ANKS1B: variants seen among roughly 807,000 people sequenced by gnomAD.
ANKS1B encodes ankyrin repeat and sterile alpha motif domain-containing protein 1B.
Under a neutral mutation model 148.3 loss-of-function variants are expected in ANKS1B, and 36 were observed. The ratio of observed to expected loss-of-function variants is 0.24; its 90% CI spans 0.19 to 0.32. The LOEUF (loss-of-function observed/expected upper bound fraction) is 0.32. ANKS1B is among the 10% of genes least tolerant of loss of function. ANKS1B has a pLI of 1.00. For missense variants in ANKS1B, 1,157 were observed against 1,542.6 expected, an observed-to-expected ratio of 0.75 and a Z score of 4.19; for synonymous variants, 542 against 560.8, an observed-to-expected ratio of 0.97 and a Z score of 0.47.
At chr12:99,833,425 G>A (rs2084337814) in intron 1 of ANKS1B, among the ~76,000 whole-genome samples, 1 of 152,160 alleles carries the variant, frequency 6.6e-6, no homozygotes, top group Admixed American at 6.5e-5. Flanking sequence ...CAGATATAGT[G>A]GTAGAGAGAG....
intron 17 of ANKS1B, among the ~76,000 whole-genome samples, chr12:99,006,827 T>G (rs574193333): frequency 3.9e-5 from 6 of 152,356 alleles, no homozygotes; most frequent in Non-Finnish European, 8.8e-5. Context: ...TATACTCTTC[T>G]GTCATTTAGT....
At chr12:99,124,104 G>A (rs2063646052) in intron 15 of ANKS1B, among the ~76,000 whole-genome samples, 1 of 152,164 alleles carries the variant, frequency 6.6e-6, no homozygotes, top group African/African-American at 2.4e-5. Flanking sequence ...TCTGAGTAAA[G>A]GGGTAATATA....
chr12:99,543,865 G>A (rs942261824), intron 9 of ANKS1B, among the ~76,000 whole-genome samples: 2 of 152,068 alleles, frequency 1.3e-5, no homozygotes, highest in African/African-American at 2.4e-5. Flanking sequence ...ATGGGACACC[G>A]AAGCTAATAA....
intron 17 of ANKS1B, among the ~76,000 whole-genome samples, chr12:98,955,556 G>A (rs572751670): frequency 1.3e-5 from 2 of 152,196 alleles, no homozygotes; most frequent in Non-Finnish European, 2.9e-5. Context: ...GGAGATGGTG[G>A]TGGCTTAGAC....
intron 25 of ANKS1B, 54 bp downstream of exon 25, chr12:98,772,988 G>T: frequency 3.1e-6 from 5 of 1,605,712 alleles, no homozygotes. Context: ...TTTCAATACA[G>T]TCCAGGCCCA....
chr12:99,481,078 C>A (rs572679342), intron 10 of ANKS1B, among the ~76,000 whole-genome samples: 1 of 151,342 alleles, frequency 6.6e-6, no homozygotes, highest in South Asian at 2.1e-4. Context: ...TTTTATGTTA[C>A]ACGCATGAAT....
At position 99,647,956 on chromosome 12, in the gene ANKS1B, CA is replaced by C. The variant is rs2098387755; in HGVS notation, c.1272+7110del. 6.5e-6 allele frequency: 4 copies of C among 617,552 alleles called. No individual in the cohort carries two copies. The Admixed American group carries it at 1.2e-4, about 19-fold the overall frequency. The allele number at this position is 617,552 out of a possible 1,614,324, so 38.3% of individuals were successfully genotyped here. A position where few individuals can be genotyped will look rare whatever the true frequency, so the allele number is the denominator to read the frequency against. On this transcript the variant is annotated intron_variant, in intron 9 of 26. Transcript: ENST00000683438. ...ACAGCTCCATGCACTAAGCAGGGCACAGTCTGGATCCAGGGGACTGACTGTC... is the reference window on the plus strand; with the variant it reads ...ACAGCTCCATGCACTAAGCAGGGCACGTCTGGATCCAGGGGACTGACTGTC...
At chr12:99,408,240 C>T (rs539892721) in intron 11 of ANKS1B, among the ~76,000 whole-genome samples, 1 of 145,774 alleles carries the variant, frequency 6.9e-6, no homozygotes, top group South Asian at 2.1e-4. Flanking sequence ...CAAGAACATA[C>T]ACAAGGTTAC....
intron 15 of ANKS1B, among the ~76,000 whole-genome samples, chr12:99,134,347 G>A (rs542250939): frequency 6.6e-6 from 1 of 152,102 alleles, no homozygotes; most frequent in African/African-American, 2.4e-5. Context: ...AAGTCAGAAA[G>A]AGCGTGGAAA....
chr12:98,964,966 T>C (rs1181763448), intron 17 of ANKS1B, among the ~76,000 whole-genome samples: 2 of 152,172 alleles, frequency 1.3e-5, no homozygotes, highest in Admixed American at 1.3e-4. Flanking sequence ...TTAAAAATAA[T>C]CATTTGTAAC....
chr12:99,487,430 T>G (rs2096505703), intron 10 of ANKS1B, among the ~76,000 whole-genome samples: 1 of 152,170 alleles, frequency 6.6e-6, no homozygotes, highest in Non-Finnish European at 1.5e-5. Flanking sequence ...GTTTGTATAT[T>G]AAAGGATATA....
At chr12:99,559,756 T>C (rs2097313447) in intron 9 of ANKS1B, among the ~76,000 whole-genome samples, 1 of 152,182 alleles carries the variant, frequency 6.6e-6, no homozygotes, top group Non-Finnish European at 1.5e-5. Flanking sequence ...AATACTCTAG[T>C]GCCTAACATC....
chr12:99,794,083 T>C (rs1438303870), intron 4 of ANKS1B, among the ~76,000 whole-genome samples: 1 of 152,010 alleles, frequency 6.6e-6, no homozygotes, highest in Non-Finnish European at 1.5e-5. Context: ...TTCAGCATCA[T>C]TGATCATCGG....
At chr12:99,668,176 A>C (rs1467830942) in intron 8 of ANKS1B, among the ~76,000 whole-genome samples, 1 of 152,176 alleles carries the variant, frequency 6.6e-6, no homozygotes, top group Non-Finnish European at 1.5e-5. Context: ...AGGATTATTT[A>C]GATTTTATAT....
chr12:98,849,050 T>C (rs531254639), intron 17 of ANKS1B, among the ~76,000 whole-genome samples: 31 of 152,216 alleles, frequency 2.0e-4, no homozygotes, highest in African/African-American at 7.2e-4. Context: ...GATTTGCGAT[T>C]TTTCATGAAG....
chr12:99,064,944 T>C (rs2043616831), intron 16 of ANKS1B, among the ~76,000 whole-genome samples: 1 of 152,218 alleles, frequency 6.6e-6, no homozygotes. Flanking sequence ...CCCTAGAGCC[T>C]TTTGTTAAAC....
In ANKS1B at chr12:99,443,696, T is replaced by C. The variant is rs750439723; in HGVS notation, c.1552A>G (p.Ile518Val). ...ACCTGGGGTCGAATGACTTTTACAA[T>C]ATTTTTGAGGGCAGTATCAGGGGAT... ...PPSPDTALKNIVKVIRPQPKQ... is the reference protein window; with the variant it reads ...PPSPDTALKNVVKVIRPQPKQ... The change falls in exon 11 of 27, where the codon ATT (isoleucine) becomes GTT (valine). Residue 518 changes from isoleucine (I) to valine (V), a missense_variant. Coordinates refer to ENST00000683438, the MANE Select transcript of ANKS1B (RefSeq NM_001352186.2). The C allele has an allele frequency of 1.9e-6, 3 of 1,611,926 alleles. No homozygotes were observed. Among genetic ancestry groups the C allele is most frequent in the Non-Finnish European group, 2.5e-6 (3 of 1,178,746 alleles).
intron 1 of ANKS1B, among the ~76,000 whole-genome samples, chr12:99,965,250 G>A (rs1444340340): frequency 6.6e-6 from 1 of 152,066 alleles, no homozygotes; most frequent in Non-Finnish European, 1.5e-5. Context: ...GCAAGGAAAT[G>A]CTCAAGGAAT....
chr12:99,845,978 A>T (rs1045730840), intron 1 of ANKS1B, among the ~76,000 whole-genome samples: 2 of 152,080 alleles, frequency 1.3e-5, no homozygotes, highest in South Asian at 2.1e-4. Context: ...TTATTATTTT[A>T]AAAAATTGAC....
Sources: allele counts gnomAD v4.1 joint callset (sites outside exome capture counted in the v4.1 genomes callset), GRCh38; gene constraint gnomAD v4.1.1; transcripts MANE v1.5; gene names NCBI Gene and HGNC (gene_info 2026-07-23, HGNC 2026-07-21).